Variants in PDE4D observed in about 807,000 individuals in gnomAD.
PDE4D encodes phosphodiesterase 4D, also known as 3',5'-cyclic-AMP phosphodiesterase 4D.
Under a neutral mutation model 87.4 loss-of-function variants are expected in PDE4D, and 24 were observed. The observed-to-expected ratio is 0.27, with a 90% confidence interval of 0.20 to 0.39. The LOEUF (loss-of-function observed/expected upper bound fraction) is 0.39. Ranked by LOEUF, PDE4D falls within the 10% of genes least tolerant of loss-of-function variation. The probability of loss-of-function intolerance (pLI) is 1.00; values close to 1 mark genes in which losing one functional copy is unlikely to be tolerated. For synonymous variants in PDE4D, 384 were observed against 383.2 expected (o/e 1.00, Z -0.02); for missense variants, 714 against 1,041.0 (o/e 0.69, Z 4.32).
chr5:59,761,180 A>G (rs1358014409), intron 1 of PDE4D, among the ~76,000 whole-genome samples: 1 of 152,178 alleles, frequency 6.6e-6, no homozygotes, highest in African/African-American at 2.4e-5. Flanking sequence ...TTAAAAATAC[A>G]GTATAAAAGA....
At chr5:59,154,901 A>T (rs1053675799) in intron 5 of PDE4D, among the ~76,000 whole-genome samples, 3 of 152,190 alleles carry the variant, frequency 2.0e-5, no homozygotes, top group African/African-American at 7.2e-5. Flanking sequence ...AAATATATAT[A>T]GACAGACAGA....
At chr5:59,240,602 G>T (rs1406864883) in intron 1 of PDE4D, among the ~76,000 whole-genome samples, 1 of 152,114 alleles carries the variant, frequency 6.6e-6, no homozygotes, top group Non-Finnish European at 1.5e-5. Context: ...CACAAGTATA[G>T]TATCCCAATA....
At chr5:58,994,596 T>C (rs1232091932) in intron 6 of PDE4D, among the ~76,000 whole-genome samples, 3 of 152,198 alleles carry the variant, frequency 2.0e-5, no homozygotes, top group Non-Finnish European at 4.4e-5. Context: ...AAGGTAAGTG[T>C]TGAATGTATA....
At chr5:59,980,647 T>C (rs1761832209) in intron 3 of PDE4D, among the ~76,000 whole-genome samples, 1 of 152,202 alleles carries the variant, frequency 6.6e-6, no homozygotes, top group African/African-American at 2.4e-5. Flanking sequence ...TACTGTGGTA[T>C]AGTATCAGTC....
At chr5:59,228,631 A>C (rs1300455849) in intron 1 of PDE4D, among the ~76,000 whole-genome samples, 1 of 152,156 alleles carries the variant, frequency 6.6e-6, no homozygotes, top group African/African-American at 2.4e-5. Flanking sequence ...TTTATATTGC[A>C]GACAGAGCGA....
chr5:59,100,256 G>A (rs1770511674), intron 5 of PDE4D, among the ~76,000 whole-genome samples: 1 of 152,192 alleles, frequency 6.6e-6, no homozygotes, highest in African/African-American at 2.4e-5. Context: ...GCCCTAACTT[G>A]CTTTCTCACA....
At chr5:59,364,171 A>G (rs1782679131) in intron 1 of PDE4D, among the ~76,000 whole-genome samples, 2 of 152,218 alleles carry the variant, frequency 1.3e-5, no homozygotes, top group South Asian at 2.1e-4. Flanking sequence ...CAGCTAAGAA[A>G]TTTATAACAG....
In PDE4D at chr5:60,104,007, C is replaced by T. The variant is rs543269464; in HGVS notation, c.42+81550G>A. On this transcript the variant is annotated intron_variant, in intron 2 of 16. Transcript: ENST00000502484. Reference sequence around the variant, plus strand: ...TCACTAGGGAGTGCCAGACAGTGGGCGCAGGACAGTGGGTGCAGCACACTG... The same window carrying T: ...TCACTAGGGAGTGCCAGACAGTGGGTGCAGGACAGTGGGTGCAGCACACTG... Among the ~76,000 whole-genome samples the T allele has an allele frequency of 1.7e-4, 26 of 152,176 alleles. 1 individual carries two copies. The South Asian group carries it at 2.9e-3, about 17-fold the overall frequency.
rs1483768319 is a variant in PDE4D at position 59,326,354 on chromosome 5, T to C, written c.456-110386A>G. Among the ~76,000 whole-genome samples, 4 of 152,090 alleles carry C rather than the reference T, an allele frequency of 2.6e-5. No homozygotes were observed. The East Asian group carries it at 7.7e-4, about 29-fold the overall frequency. ...CAATCAAACTTAAAAATATAACCCA[T>C]GGTAAAAATACTGCAGCTTTAAAAA... is the stretch of plus-strand genomic sequence containing the variant. On this transcript the variant is annotated intron_variant, in intron 1 of 14. Coordinates refer to ENST00000340635, the MANE Select transcript of PDE4D (RefSeq NM_001104631.2).
At chr5:59,600,315 C>T (rs1476012909) in intron 1 of PDE4D, among the ~76,000 whole-genome samples, 2 of 152,218 alleles carry the variant, frequency 1.3e-5, no homozygotes. Context: ...AGTTCTTGCT[C>T]AGGCATGAAA....
rs1741104605 is a variant in PDE4D, at chr5:59,830,946, T to C, written c.455+62222A>G. ...AACTATCCCTGTAGCACAATTTAGT[T>C]AGGGCACAGATAGCAAGAAGCTGTA... On this transcript the variant is annotated intron_variant, in intron 1 of 14. Transcript: ENST00000340635. Among the ~76,000 whole-genome samples, 4 of 152,154 alleles carry C rather than the reference T, an allele frequency of 2.6e-5. No homozygotes were observed. The South Asian group carries it at 8.3e-4, about 32-fold the overall frequency.
chr5:59,311,518 A>AC (rs1369106898), intron 1 of PDE4D, among the ~76,000 whole-genome samples: 1 of 150,440 alleles, frequency 6.6e-6, no homozygotes, highest in African/African-American at 2.4e-5. Flanking sequence ...AAAAAAAAAA[A>AC]AAAAAAAACA....
intron 1 of PDE4D, among the ~76,000 whole-genome samples, chr5:60,350,035 C>T (rs907718652): frequency 6.6e-6 from 1 of 152,134 alleles, no homozygotes; most frequent in African/African-American, 2.4e-5. Context: ...GTTACAGAGT[C>T]ATTCATGGAG....
At chr5:60,044,253 CAT>C (rs1397049954) in intron 2 of PDE4D, among the ~76,000 whole-genome samples, 1 of 152,062 alleles carries the variant, frequency 6.6e-6, no homozygotes, top group African/African-American at 2.4e-5. Flanking sequence ...CAAAATTTCA[CAT>C]GTATCCCATA....
At chr5:59,271,912 C>T (rs949458368) in intron 1 of PDE4D, among the ~76,000 whole-genome samples, 2 of 151,418 alleles carry the variant, frequency 1.3e-5, no homozygotes, top group Admixed American at 1.3e-4. Flanking sequence ...TCACTCCTAC[C>T]ATTTTTTTTT....
chr5:59,791,419 C>T (rs1246146614), intron 1 of PDE4D, among the ~76,000 whole-genome samples: 3 of 152,144 alleles, frequency 2.0e-5, no homozygotes, highest in Admixed American at 2.0e-4. Flanking sequence ...CAGCTGATGG[C>T]ATTGCATGCT....
intron 3 of PDE4D, among the ~76,000 whole-genome samples, chr5:59,912,225 G>GAT (rs1249629284): frequency 6.6e-6 from 1 of 152,180 alleles, no homozygotes; most frequent in Non-Finnish European, 1.5e-5. Context: ...AGAAGAGCCT[G>GAT]ATATATAGTA....
chr5:59,764,135 G>C (rs149317072), intron 1 of PDE4D, among the ~76,000 whole-genome samples: 5 of 152,004 alleles, frequency 3.3e-5, no homozygotes, highest in African/African-American at 1.2e-4. Flanking sequence ...ACATACACTC[G>C]TTTCTTTCAA....
At chr5:59,820,995 G>A (rs977844697) in intron 1 of PDE4D, among the ~76,000 whole-genome samples, 6 of 152,116 alleles carry the variant, frequency 3.9e-5, no homozygotes, top group Admixed American at 2.6e-4. Flanking sequence ...ACTTTGGGAG[G>A]CCGAGGTGGG....
Sources: gnomAD v4.1 joint callset for allele counts (sites outside exome capture counted in the v4.1 genomes callset) on GRCh38, gnomAD v4.1.1 for gene constraint, MANE v1.5 for transcripts, NCBI Gene and HGNC (gene_info 2026-07-23, HGNC 2026-07-21) for gene names.